The following CAMK2G variants were observed in gnomAD, a reference collection of about 807,000 sequenced individuals.
CAMK2G encodes the protein calcium/calmodulin dependent protein kinase II gamma.
A neutral mutation model predicts 88.7 loss-of-function variants in CAMK2G; 23 were observed. That is an observed-to-expected ratio of 0.26 (90% CI 0.19 to 0.37). The LOEUF is 0.37. Among genes scored for constraint, CAMK2G ranks in the 10% least tolerant of loss-of-function variants. CAMK2G has a pLI of 1.00. For synonymous variants in CAMK2G, 263 were observed against 294.8 expected (o/e 0.89, Z 1.11); for missense variants, 476 against 780.8 (o/e 0.61, Z 4.65).
At chr10:73,863,611 G>A (rs760855559) in intron 2 of CAMK2G, among the ~76,000 whole-genome samples, 3 of 152,220 alleles carry the variant, frequency 2.0e-5, no homozygotes, top group Non-Finnish European at 2.9e-5. Context: ...CTTGCAATGC[G>A]GAGGTGGCAG....
chr10:73,817,696 A>AGG (rs1296430398), intron 19 of CAMK2G, 142 bp from the exon 20 acceptor site: 7 of 650,138 alleles, frequency 1.1e-5, no homozygotes, highest in Non-Finnish European at 1.7e-5. Context: ...CTTGGCAGGA[A>AGG]GAGCGAACAC....
intron 14 of CAMK2G, among the ~76,000 whole-genome samples, chr10:73,829,686 T>TATA (rs2092031343): frequency 6.7e-6 from 1 of 150,242 alleles, no homozygotes; most frequent in African/African-American, 2.5e-5. Context: ...TATATTCATA[T>TATA]ATATAAGTAG....
chr10:73,862,092 G>A (rs1003140975), intron 2 of CAMK2G, among the ~76,000 whole-genome samples: 2 of 152,178 alleles, frequency 1.3e-5, no homozygotes, highest in Non-Finnish European at 2.9e-5. Flanking sequence ...CCAGATCCAA[G>A]TGAGCTGCGT....
At chr10:73,827,369 G>T (rs2091289227) in intron 15 of CAMK2G, among the ~76,000 whole-genome samples, 1 of 152,198 alleles carries the variant, frequency 6.6e-6, no homozygotes. Flanking sequence ...TGCATTTTTA[G>T]TAGAGACAGG....
intron 17 of CAMK2G, among the ~76,000 whole-genome samples, chr10:73,822,236 C>T (rs567718597): frequency 5.9e-5 from 9 of 152,258 alleles, no homozygotes; most frequent in East Asian, 1.9e-4. Context: ...GGCATGATCT[C>T]GGCTCACTGC....
chr10:73,869,443 C>A (rs1213934135), intron 2 of CAMK2G, among the ~76,000 whole-genome samples: 1 of 152,226 alleles, frequency 6.6e-6, no homozygotes, highest in East Asian at 1.9e-4. Context: ...TCTCTTCCAG[C>A]AGCCGTATCA....
chr10:73,852,944 C>A, intron 4 of CAMK2G: 1 of 560,660 alleles, frequency 1.8e-6, no homozygotes, highest in South Asian at 2.2e-5. Flanking sequence ...GGCATCTGTG[C>A]AAGGCGTGCT....
intron 14 of CAMK2G, among the ~76,000 whole-genome samples, chr10:73,836,650 T>C (rs947220016): frequency 2.0e-5 from 3 of 152,136 alleles, no homozygotes; most frequent in African/African-American, 4.8e-5. Context: ...TGACACAAGA[T>C]CTTGGGAAAA....
chr10:73,840,720 G>T (rs1012560626), intron 12 of CAMK2G, among the ~76,000 whole-genome samples: 2 of 152,218 alleles, frequency 1.3e-5, no homozygotes, highest in Non-Finnish European at 2.9e-5. Context: ...CCTTGCTATT[G>T]ACTGGCTGGG....
chr10:73,852,682 T>TA (rs1322463076), intron 4 of CAMK2G: 2 of 288,886 alleles, frequency 6.9e-6, no homozygotes. Flanking sequence ...ACAGAGCTAC[T>TA]ACTGAAGTTG....
At chr10:73,852,912 G>A in intron 4 of CAMK2G, 1 of 475,806 alleles carries the variant, frequency 2.1e-6, no homozygotes, top group Non-Finnish European at 3.7e-6. Context: ...ACTAAGGACA[G>A]CACACTGAGA....
At chr10:73,850,828 A>G (rs906728008) in intron 5 of CAMK2G, among the ~76,000 whole-genome samples, 3 of 151,000 alleles carry the variant, frequency 2.0e-5, no homozygotes, top group African/African-American at 7.4e-5. Context: ...TGGGCCACAG[A>G]AACTTTAAGA....
intron 9 of CAMK2G, 62 bp from the exon 10 acceptor site, chr10:73,847,409 G>T: frequency 1.9e-6 from 3 of 1,574,694 alleles, no homozygotes; most frequent in Non-Finnish European, 2.6e-6. Context: ...TGCAACACTG[G>T]TTCTGTCTTC....
At chr10:73,818,485 G>A (rs1354720696) in intron 19 of CAMK2G, 2 of 353,220 alleles carry the variant, frequency 5.7e-6, no homozygotes, top group Non-Finnish European at 1.1e-5. Context: ...CCCTGGGCGG[G>A]GCCAGGCCAC....
intron 15 of CAMK2G, among the ~76,000 whole-genome samples, chr10:73,825,781 C>T (rs551852697): frequency 4.6e-5 from 7 of 152,328 alleles, no homozygotes; most frequent in Admixed American, 1.3e-4. Flanking sequence ...CAACCCAGCA[C>T]CTGTATTTCC....
At position 73,848,517 on chromosome 10, in the gene CAMK2G, T is replaced by TG. The variant is rs2134834567; in HGVS notation, c.601+8dup. The TG allele has an allele frequency of 6.3e-7, 1 of 1,597,640 alleles. No individual in the cohort carries two copies. The highest frequency in any genetic ancestry group is 8.6e-7 in the Non-Finnish European group (1 of 1,165,862). On this transcript the variant is annotated intron_variant, in intron 8 of 22. Coordinates refer to ENST00000423381, the MANE Select transcript of CAMK2G (RefSeq NM_001367534.1). The surrounding 1 kb of genome is among the most constrained non-coding windows in gnomAD (Gnocchi z 4.5). ...ACAGCGAAAAGCTGAGAGCGTGGAA[T>TG]GGGCTTACCGCAGGCCCAGATATCC...
At chr10:73,827,635 C>T (rs1467106598) in intron 15 of CAMK2G, among the ~76,000 whole-genome samples, 6 of 152,142 alleles carry the variant, frequency 3.9e-5, no homozygotes, top group Admixed American at 6.5e-5. Context: ...GGGATTTGCA[C>T]GGGGGCAGAG....
At chr10:73,852,540 C>A in intron 4 of CAMK2G, 1 of 550,386 alleles carries the variant, frequency 1.8e-6, no homozygotes, top group Non-Finnish European at 3.2e-6. Flanking sequence ...ATTTCTTTTT[C>A]CAAAATGCAC....
chr10:73,851,635 A>AT (rs2094621346), intron 5 of CAMK2G, among the ~76,000 whole-genome samples: 1 of 151,198 alleles, frequency 6.6e-6, no homozygotes, highest in Non-Finnish European at 1.5e-5. Flanking sequence ...AGAGGGGGAC[A>AT]TTGGGCATGG....
Sources: allele counts gnomAD v4.1 joint callset (sites outside exome capture counted in the v4.1 genomes callset), GRCh38; gene constraint gnomAD v4.1.1; non-coding constraint Gnocchi (gnomAD v3.1); transcripts MANE v1.5; gene names NCBI Gene and HGNC (gene_info 2026-07-23, HGNC 2026-07-21).